Variants in SLC6A12 observed in about 807,000 individuals in gnomAD.
SLC6A12 encodes solute carrier family 6 member 12, also known as sodium- and chloride-dependent betaine transporter.
Under a neutral mutation model 73.3 loss-of-function variants are expected in SLC6A12, and 50 were observed. The ratio of observed to expected loss-of-function variants is 0.68; its 90% CI spans 0.54 to 0.86. The LOEUF is 0.86. Among genes scored for constraint, SLC6A12 ranks in the 40% least tolerant of loss-of-function variants. The pLI is 0.00. For missense variants in SLC6A12, 648 were observed against 772.8 expected, an observed-to-expected ratio of 0.84 and a Z score of 1.92; for synonymous variants, 304 against 309.2, an observed-to-expected ratio of 0.98 and a Z score of 0.18.
At position 190,970 on chromosome 12, in the gene SLC6A12, T is replaced by G; in HGVS notation, c.*98A>C. On this transcript the variant is annotated 3_prime_UTR_variant, in exon 16 of 16. Coordinates refer to ENST00000684302, the MANE Select transcript of SLC6A12 (RefSeq NM_001122848.3). The stretch of plus-strand genomic sequence containing the variant: ...GGCTCTCCAGAGGTTCCCAGCAGGA[T>G]TGTGGCAGGAGACAGAGGCAGAGGC... 9.3e-7 allele frequency: 1 copy of G among 1,074,110 alleles called. No homozygotes were observed. The highest frequency in any genetic ancestry group is 1.2e-6 in the Non-Finnish European group (1 of 837,130). The allele number at this position is 1,074,110 out of a possible 1,614,324, so 66.5% of individuals were successfully genotyped here. A position where few individuals can be genotyped will look rare whatever the true frequency, so the allele number is the denominator to read the frequency against.
rs10582500 is a variant in SLC6A12 at position 203,059 on chromosome 12, CTTTTTTTTTTTTTTTTT to C, written c.350-196_350-180del. ...CATATTTTTCTTTCTTTTTTCTTTTCTTTTTTTTTTTTTTTTTTTTTTTTTGAGATGGAGTCTTGTTC... is the reference window on the plus strand; with the variant it reads ...CATATTTTTCTTTCTTTTTTCTTTTCTTTTTTTTGAGATGGAGTCTTGTTC... On this transcript the variant is annotated intron_variant, in intron 4 of 15. Transcript: ENST00000684302. Among the ~76,000 whole-genome samples the C allele has an allele frequency of 5.9e-5, 4 of 68,332 alleles. No individual in the cohort carries two copies. In the East Asian group the frequency reaches 1.8e-3, roughly 31 times the overall value. The allele number at this position is 68,332 out of a possible 152,430, so 44.8% of individuals were successfully genotyped here. A position where few individuals can be genotyped will look rare whatever the true frequency, so the allele number is the denominator to read the frequency against.
intron 12 of SLC6A12, 33 bp from the exon 13 acceptor site, chr12:195,360 A>G: frequency 7.2e-7 from 1 of 1,384,464 alleles, no homozygotes; most frequent in Non-Finnish European, 1.0e-6. Flanking sequence ...GGGCATGGCC[A>G]GTGCAGAGCT....
At chr12:212,450 T>C (rs1433335787) in intron 1 of SLC6A12, among the ~76,000 whole-genome samples, 2 of 152,070 alleles carry the variant, frequency 1.3e-5, no homozygotes, top group Non-Finnish European at 2.9e-5. Context: ...TTGGGTTTCA[T>C]CAGAAATAGG....
At chr12:187,615 AAAAAAAAAAAAAAAAAC>A (rs1939457870), downstream of SLC6A12, among the ~76,000 whole-genome samples, 150 of 15,472 alleles carry the variant, frequency 9.7e-3, 5 homozygotes, top group Middle Eastern at 0.042. Context: ...AAAAAAAAAA[AAAAAAAAAAAAAAAAAC>A]AAACCACACA....
At chr12:192,837 ACAAAGGAAGGGAGGGGC>A in intron 14 of SLC6A12, among the ~76,000 whole-genome samples, 189 bp from the exon 15 acceptor site, 1 of 148,114 alleles carries the variant, frequency 6.8e-6, no homozygotes, top group South Asian at 2.1e-4. Context: ...AGGAGGCGAT[ACAAAGGAAGGGAGGGGC>A]TCGGAAGAGC....
At chr12:184,693 T>A in the SLC6A12 span, among the ~76,000 whole-genome samples, 1 of 152,134 alleles carries the variant, frequency 6.6e-6, no homozygotes, top group Non-Finnish European at 1.5e-5. Context: ...GAGCTTGCAA[T>A]GAGCTGAGAT....
In SLC6A12 at chr12:197,932, G is replaced by C. The variant is rs753090706; in HGVS notation, c.918C>G (p.Gly306=). Residue 306 remains glycine (G), a synonymous_variant, in exon 9 of 16, where the codon GGC becomes GGG. Coordinates refer to ENST00000684302, the MANE Select transcript of SLC6A12 (RefSeq NM_001122848.3). ...AGTTGTTGTGATACTTGTTGTAGCT[G>C]CCCAGGGCTGTCAGGCACCCCTGGC... The part of the protein sequence containing the change: ...AICQGCLTAL[G]SYNKYHNNCY... 3 of 1,598,908 alleles carry C rather than the reference G, an allele frequency of 1.9e-6. No homozygotes were observed. Among genetic ancestry groups the C allele is most frequent in the South Asian group, 2.2e-5 (2 of 90,838 alleles).
In SLC6A12 at chr12:197,170, C is replaced by CATCT. The variant is rs1565469128; in HGVS notation, c.1075+206_1075+207insAGAT. On this transcript the variant is annotated intron_variant, in intron 10 of 15. Coordinates refer to ENST00000684302, the MANE Select transcript of SLC6A12 (RefSeq NM_001122848.3). ...CCATCCATCCATCCATCCATCCATC[C>CATCT]ATCCATCCATCCATCCATCCATCCA... Among the ~76,000 whole-genome samples the CATCT allele has an allele frequency of 8.5e-4, 38 of 44,820 alleles. 3 individuals carry two copies. The highest frequency in any genetic ancestry group is 1.5e-3 in the South Asian group (2 of 1,324). The allele number at this position is 44,820 out of a possible 152,430, so 29.4% of individuals were successfully genotyped here.
At chr12:205,020 G>A in intron 3 of SLC6A12, 1 of 260,446 alleles carries the variant, frequency 3.8e-6, no homozygotes, top group South Asian at 7.0e-5. Context: ...GATTATTTTT[G>A]GAATAAACAC....
downstream of SLC6A12, among the ~76,000 whole-genome samples, chr12:186,588 C>T (rs1438548397): frequency 2.0e-5 from 3 of 152,196 alleles, no homozygotes; most frequent in Non-Finnish European, 4.4e-5. Context: ...TACATTTCCA[C>T]GCAGTGTATT....
chr12:197,178 C>T (rs868313711), intron 10 of SLC6A12, among the ~76,000 whole-genome samples, 199 bp downstream of exon 10: 1,427 of 20,092 alleles, frequency 0.071, 149 homozygotes, highest in Admixed American at 0.12. Flanking sequence ...TCCATCCATC[C>T]ATCCATCCAT....
Position 197,507 on chromosome 12 carries a change from G to C in SLC6A12, c.951-6C>G, listed in dbSNP as rs1177214669. On this transcript the variant is annotated splice_polypyrimidine_tract_variant and splice_region_variant and intron_variant, in intron 9 of 15. Coordinates refer to ENST00000684302, the MANE Select transcript of SLC6A12 (RefSeq NM_001122848.3). ...AGCAGAGGGCGATGCAGTCCCTGTG[G>C]GAGTGGGGCAAGGGCAGACAGGAAC... 1 of 1,611,984 alleles carries C rather than the reference G, an allele frequency of 6.2e-7. No individual in the cohort carries two copies. Among genetic ancestry groups the C allele is most frequent in the Non-Finnish European group, 8.5e-7 (1 of 1,179,064 alleles).
At position 197,983 on chromosome 12, in the gene SLC6A12, G is replaced by A. The variant is rs1171613841; in HGVS notation, c.867C>T (p.Thr289=). 2 of 1,613,592 alleles carry A rather than the reference G, an allele frequency of 1.2e-6. No individual in the cohort carries two copies. Among genetic ancestry groups the A allele is most frequent in the Non-Finnish European group, 1.7e-6 (2 of 1,179,902 alleles). ...KDPQVWMDAG[T]QIFFSFAICQ... Reference sequence around the variant, plus strand: ...AGATGGCAAAGGAGAAGAAGATCTGGGTGCCCGCATCCATCCACACCTACA... The same window carrying A: ...AGATGGCAAAGGAGAAGAAGATCTGAGTGCCCGCATCCATCCACACCTACA... Residue 289 remains threonine (T), a synonymous_variant, in exon 9 of 16, where the codon ACC becomes ACT. Coordinates refer to ENST00000684302, the MANE Select transcript of SLC6A12 (RefSeq NM_001122848.3).
intron 6 of SLC6A12, 68 bp from the exon 7 acceptor site, chr12:200,851 G>C: frequency 6.6e-7 from 1 of 1,523,150 alleles, no homozygotes; most frequent in Non-Finnish European, 8.9e-7. Flanking sequence ...CTGTCAGCAA[G>C]TCTCCTGATT....
chr12:204,698 C>G lies in SLC6A12; in HGVS notation c.215G>C (p.Gly72Ala). 1.2e-6 allele frequency: 2 copies of G among 1,614,004 alleles called. No individual in the cohort carries two copies. Among genetic ancestry groups the G allele is most frequent in the Non-Finnish European group, 1.7e-6 (2 of 1,180,002 alleles). Residue 72 changes from glycine to alanine, a missense_variant and splice_region_variant, in exon 4 of 16, where the codon GGA becomes GCA. Coordinates refer to ENST00000684302, the MANE Select transcript of SLC6A12 (RefSeq NM_001122848.3). ...GATGAAGTAGGGGATGAAGAAGGCT[C>G]CTGCAGAAGAGAGAGAGGCAGGGCT... ...FPYLCYKNGG[G>A]AFFIPYFIFF...
downstream of SLC6A12, among the ~76,000 whole-genome samples, chr12:189,529 A>C (rs1412066195): frequency 6.6e-6 from 1 of 152,024 alleles, no homozygotes; most frequent in Non-Finnish European, 1.5e-5. Context: ...CCCCAGCCTG[A>C]CCTGATTTCT....
downstream of SLC6A12, among the ~76,000 whole-genome samples, chr12:189,186 G>A (rs1939499866): frequency 6.6e-6 from 1 of 152,246 alleles, no homozygotes; most frequent in Admixed American, 6.5e-5. Flanking sequence ...ACTAGCTGCG[G>A]GCAGGGGCCG....
At chr12:189,679 A>T (rs1422490077), downstream of SLC6A12, among the ~76,000 whole-genome samples, 4 of 152,012 alleles carry the variant, frequency 2.6e-5, no homozygotes, top group African/African-American at 9.7e-5. Flanking sequence ...TCCCTTCTGA[A>T]CACAACAGCA....
intron 1 of SLC6A12, among the ~76,000 whole-genome samples, chr12:212,538 A>T (rs1940944610): frequency 1.3e-5 from 2 of 152,228 alleles, no homozygotes; most frequent in African/African-American, 4.8e-5. Flanking sequence ...AATGAAAATA[A>T]AAAAGTAATC....
Sources: allele counts gnomAD v4.1 joint callset (sites outside exome capture counted in the v4.1 genomes callset), GRCh38; gene constraint gnomAD v4.1.1; transcripts MANE v1.5; gene names NCBI Gene and HGNC (gene_info 2026-07-23, HGNC 2026-07-21).